Variants in ACOT12 observed in about 807,000 individuals in gnomAD.
ACOT12 encodes the protein acetyl-coenzyme A thioesterase.
A neutral mutation model predicts 67.7 loss-of-function variants in ACOT12; 51 were observed. The ratio of observed to expected loss-of-function variants is 0.75; its 90% CI spans 0.60 to 0.95. The LOEUF (loss-of-function observed/expected upper bound fraction) is 0.95, where lower values mean the gene tolerates loss of function less well. Among genes scored for constraint, ACOT12 ranks in the 40% least tolerant of loss-of-function variants. The probability of loss-of-function intolerance (pLI) is 0.00; values close to 1 mark genes in which losing one functional copy is unlikely to be tolerated. For synonymous variants in ACOT12, 251 were observed against 244.6 expected, an observed-to-expected ratio of 1.03 and a Z score of -0.24; for missense variants, 734 against 708.1, an observed-to-expected ratio of 1.04 and a Z score of -0.41.
chr5:81,383,170 G>A (rs1760635037), intron 2 of ACOT12, among the ~76,000 whole-genome samples: 2 of 152,150 alleles, frequency 1.3e-5, no homozygotes, highest in Admixed American at 6.5e-5. Context: ...CTGAGGTCAG[G>A]AGTTTGAGAC....
At chr5:81,341,941 C>T (rs1419907124) in intron 11 of ACOT12, among the ~76,000 whole-genome samples, 1 of 152,130 alleles carries the variant, frequency 6.6e-6, no homozygotes, top group Non-Finnish European at 1.5e-5. Flanking sequence ...TTTGAGGTAG[C>T]TGTGGAAGAA....
At chr5:81,310,114 TG>T in the ACOT12 span, among the ~76,000 whole-genome samples, 4 of 138,844 alleles carry the variant, frequency 2.9e-5, no homozygotes, top group Non-Finnish European at 6.0e-5. Flanking sequence ...ACATGACTAG[TG>T]AGCAAAAATG....
At chr5:81,352,018 T>G (rs992490240) in intron 5 of ACOT12, among the ~76,000 whole-genome samples, 1 of 152,212 alleles carries the variant, frequency 6.6e-6, no homozygotes, top group Non-Finnish European at 1.5e-5. Flanking sequence ...TCGACATCAC[T>G]GATCATCAGA....
the ACOT12 span, among the ~76,000 whole-genome samples, chr5:81,318,016 G>T: frequency 1.1e-4 from 17 of 151,630 alleles, no homozygotes; most frequent in African/African-American, 2.9e-4. Context: ...CCAAGTAGCT[G>T]GGACTACAGG....
intron 6 of ACOT12, among the ~76,000 whole-genome samples, chr5:81,346,647 G>C (rs1366015127): frequency 6.6e-6 from 1 of 152,068 alleles, no homozygotes; most frequent in African/African-American, 2.4e-5. Context: ...CCAACACCAA[G>C]CGAACAGATG....
intron 12 of ACOT12, 44 bp downstream of exon 12, chr5:81,335,724 T>C (rs372983246): frequency 4.4e-6 from 7 of 1,583,610 alleles, no homozygotes; most frequent in Non-Finnish European, 5.2e-6. Context: ...ATCTTTTACA[T>C]TATGTCAAGG....
intron 2 of ACOT12, among the ~76,000 whole-genome samples, chr5:81,382,484 C>T (rs1159171032): frequency 6.6e-6 from 1 of 152,082 alleles, no homozygotes; most frequent in African/African-American, 2.4e-5. Context: ...AAAGATGGGG[C>T]AGTCTGAACT....
Position 81,371,816 on chromosome 5 carries a change from G to T in ACOT12, c.198-6C>A, listed in dbSNP as rs750446533. ...TGGTTATAACTTGTCCAACTCTAGGGAAAAACAAACAAAAAAACCTCAGTA... is the reference window on the plus strand; with the variant it reads ...TGGTTATAACTTGTCCAACTCTAGGTAAAAACAAACAAAAAAACCTCAGTA... On this transcript the variant is annotated splice_polypyrimidine_tract_variant and splice_region_variant and intron_variant, in intron 2 of 14. Coordinates refer to ENST00000307624, the MANE Select transcript of ACOT12 (RefSeq NM_130767.3). 1.9e-6 allele frequency: 3 copies of T among 1,613,476 alleles called. No individual in the cohort carries two copies. The Middle Eastern group carries it at 5.0e-4, about 266-fold the overall frequency.
the ACOT12 span, among the ~76,000 whole-genome samples, chr5:81,321,684 G>T: frequency 1.3e-5 from 2 of 152,074 alleles, no homozygotes; most frequent in African/African-American, 4.8e-5. Flanking sequence ...AGTGGCTCAC[G>T]CCTATAATCC....
At chr5:81,374,654 G>T (rs1192400532) in intron 2 of ACOT12, among the ~76,000 whole-genome samples, 1 of 152,120 alleles carries the variant, frequency 6.6e-6, no homozygotes, top group Admixed American at 6.5e-5. Context: ...TAAATGACCT[G>T]ATGGAGCTGA....
At position 81,330,173 on chromosome 5, in the gene ACOT12, A is replaced by G. The variant is rs1758768382; in HGVS notation, c.*221T>C. 2.2e-6 allele frequency: 1 copy of G among 450,654 alleles called. No homozygotes were observed. Among genetic ancestry groups the G allele is most frequent in the African/African-American group, 1.9e-5 (1 of 51,434 alleles). The allele number at this position is 450,654 out of a possible 1,614,324, so 27.9% of individuals were successfully genotyped here. A position where few individuals can be genotyped will look rare whatever the true frequency, so the allele number is the denominator to read the frequency against. On this transcript the variant is annotated 3_prime_UTR_variant, in exon 15 of 15. Transcript: ENST00000307624. ...CTATCTGTGCCCCTGGAAGAGGCAG[A>G]GCCACAGATGACTTACAACAGAATT...
chr5:81,379,849 G>A (rs1285677576), intron 2 of ACOT12, among the ~76,000 whole-genome samples: 3 of 152,194 alleles, frequency 2.0e-5, no homozygotes, highest in Middle Eastern at 3.4e-3. Context: ...ATCTTCCTGC[G>A]TTGGACTCCC....
chr5:81,386,380 A>T (rs1284815779), intron 1 of ACOT12, among the ~76,000 whole-genome samples: 1 of 152,206 alleles, frequency 6.6e-6, no homozygotes, highest in Non-Finnish European at 1.5e-5. Flanking sequence ...ATTATTACCA[A>T]ATTTATGCCA....
At chr5:81,363,355 T>C (rs1759976864) in intron 4 of ACOT12, among the ~76,000 whole-genome samples, 2 of 152,230 alleles carry the variant, frequency 1.3e-5, no homozygotes, top group South Asian at 4.1e-4. Flanking sequence ...TTGACAGTTT[T>C]CCTTCAGGTA....
At chr5:81,335,595 A>T (rs953897156) in intron 12 of ACOT12, among the ~76,000 whole-genome samples, 173 bp downstream of exon 12, 2 of 152,050 alleles carry the variant, frequency 1.3e-5, no homozygotes, top group African/African-American at 4.8e-5. Context: ...GAACTCCCGG[A>T]CTCAACTATC....
At chr5:81,344,090 A>G (rs1417246384) in intron 9 of ACOT12, 70 bp downstream of exon 9, 1 of 1,492,848 alleles carries the variant, frequency 6.7e-7, no homozygotes, top group East Asian at 2.3e-5. Context: ...AGAGACCCAG[A>G]GGGGGGCTCT....
At chr5:81,350,107 G>T (rs1258878667) in intron 5 of ACOT12, among the ~76,000 whole-genome samples, 1 of 152,050 alleles carries the variant, frequency 6.6e-6, no homozygotes, top group Non-Finnish European at 1.5e-5. Flanking sequence ...CATTTCCGGA[G>T]AATTTTTTTG....
intron 2 of ACOT12, among the ~76,000 whole-genome samples, chr5:81,377,627 G>A (rs185227195): frequency 3.0e-4 from 46 of 152,328 alleles, no homozygotes; most frequent in Non-Finnish European, 3.5e-4. Context: ...AAGCTGATAA[G>A]CAACTTCAGC....
intron 11 of ACOT12, among the ~76,000 whole-genome samples, chr5:81,341,316 A>C (rs1472640553): frequency 6.6e-6 from 1 of 152,266 alleles, no homozygotes; most frequent in African/African-American, 2.4e-5. Context: ...CAGAGAACTC[A>C]TAAAAGGAAA....
Sources: allele counts gnomAD v4.1 joint callset (sites outside exome capture counted in the v4.1 genomes callset), GRCh38; gene constraint gnomAD v4.1.1; transcripts MANE v1.5; gene names NCBI Gene and HGNC (gene_info 2026-07-23, HGNC 2026-07-21).